VPS45: variants seen among roughly 807,000 people sequenced by gnomAD.
VPS45 encodes the protein vacuolar protein sorting 45 homolog.
VPS45 carries 35 observed loss-of-function variants against 75.9 expected under a neutral mutation model. That is an observed-to-expected ratio of 0.46 (90% CI 0.35 to 0.61). VPS45 has a LOEUF of 0.61. VPS45 is among the 20% of genes least tolerant of loss of function. The pLI is 0.00. For synonymous variants in VPS45, 220 were observed against 238.2 expected (o/e 0.92, Z 0.70); for missense variants, 559 against 685.9 (o/e 0.81, Z 2.07).
At chr1:150,082,039 T>C in intron 9 of VPS45, 42 bp downstream of exon 9, 1 of 1,297,394 alleles carries the variant, frequency 7.7e-7, no homozygotes, top group Non-Finnish European at 1.1e-6. Flanking sequence ...TGTGACAGTT[T>C]GGTACTATTC....
chr1:150,106,684 C>T (rs782765374), intron 13 of VPS45, among the ~76,000 whole-genome samples: 2 of 152,072 alleles, frequency 1.3e-5, no homozygotes, highest in African/African-American at 4.8e-5. Context: ...TCTTCTCTGC[C>T]GACTTCTTTT....
chr1:150,116,418 A>G (rs916156366), intron 14 of VPS45, among the ~76,000 whole-genome samples: 3 of 152,076 alleles, frequency 2.0e-5, no homozygotes, highest in African/African-American at 7.2e-5. Flanking sequence ...CTTTAAATCT[A>G]TTAATTCATT....
intron 1 of VPS45, chr1:150,068,199 C>T (rs1654833492): frequency 4.0e-6 from 2 of 493,926 alleles, no homozygotes; most frequent in Middle Eastern, 1.0e-3. Context: ...CTAAATGTCC[C>T]CGCCAAGAAA....
chr1:150,108,761 C>A (rs141255142), intron 13 of VPS45, among the ~76,000 whole-genome samples: 6 of 152,198 alleles, frequency 3.9e-5, no homozygotes, highest in Non-Finnish European at 8.8e-5. Flanking sequence ...GAACACACAA[C>A]CTAGATCCCT....
upstream of VPS45, chr1:150,067,743 C>T: frequency 2.9e-6 from 3 of 1,051,034 alleles, no homozygotes; most frequent in Non-Finnish European, 4.3e-6. Flanking sequence ...CCCGGACTCC[C>T]GGAAGCCGAA....
chr1:150,067,919 G>C lies in VPS45; in HGVS notation c.62G>C (p.Gly21Ala), dbSNP rs1553796186. ...AAAATGATAGAGGACAGCGGGCCTG[G>C]TATGAAAGTACTTCTCATGGATAAA... is the stretch of plus-strand genomic sequence containing the variant. ...ISKMIEDSGP[G>A]MKVLLMDKET... Residue 21 changes from glycine to alanine, a missense_variant, in exon 1 of 15, where the codon GGT (glycine) becomes GCT (alanine). Coordinates refer to ENST00000644510, the MANE Select transcript of VPS45 (RefSeq NM_007259.5). 1 of 1,614,098 alleles carries C rather than the reference G, an allele frequency of 6.2e-7. No homozygotes were observed. The highest frequency in any genetic ancestry group is 8.5e-7 in the Non-Finnish European group (1 of 1,180,042).
At chr1:150,116,525 A>G (rs1011811660) in intron 14 of VPS45, among the ~76,000 whole-genome samples, 1 of 152,208 alleles carries the variant, frequency 6.6e-6, no homozygotes, top group African/African-American at 2.4e-5. Flanking sequence ...CTAGTAAGAG[A>G]TGGAGCTAGT....
intron 14 of VPS45, among the ~76,000 whole-genome samples, chr1:150,116,089 A>G (rs1315197356): frequency 3.3e-5 from 5 of 152,342 alleles, no homozygotes; most frequent in South Asian, 4.1e-4. Context: ...TTCACCTTAT[A>G]TAATCTCCCT....
At chr1:150,129,716 A>C (rs116118634) in intron 14 of VPS45, among the ~76,000 whole-genome samples, 2 of 150,704 alleles carry the variant, frequency 1.3e-5, no homozygotes, top group African/African-American at 4.9e-5. Context: ...ACCACACCCA[A>C]ATAATTTTTG....
intron 13 of VPS45, chr1:150,110,060 G>A (rs587770930): frequency 6.5e-6 from 1 of 152,932 alleles, no homozygotes; most frequent in East Asian, 1.9e-4. Context: ...CTTGTACAGA[G>A]GCCATTGTAA....
At chr1:150,098,943 A>G (rs1656814786) in intron 13 of VPS45, 2 of 1,202,082 alleles carry the variant, frequency 1.7e-6, no homozygotes, top group Non-Finnish European at 2.1e-6. Flanking sequence ...AGTCAATTCA[A>G]AAAGGAAGTA....
At chr1:150,082,919 G>A (rs1553799817) in intron 10 of VPS45, 36 bp downstream of exon 10, 1 of 1,589,750 alleles carries the variant, frequency 6.3e-7, no homozygotes, top group Admixed American at 1.8e-5. Flanking sequence ...CTATGTGTAA[G>A]GCACTGTGCC....
At chr1:150,138,856 C>T (rs964467828) in intron 14 of VPS45, among the ~76,000 whole-genome samples, 20 of 152,084 alleles carry the variant, frequency 1.3e-4, no homozygotes, top group Admixed American at 2.6e-4. Flanking sequence ...ATCCTCCCTC[C>T]GACTTCCCAC....
Position 150,144,901 on chromosome 1 carries a change from T to C in VPS45, c.*105T>C. 6.4e-7 allele frequency: 1 copy of C among 1,569,090 alleles called. No individual in the cohort carries two copies. Among genetic ancestry groups the C allele is most frequent in the Non-Finnish European group, 8.6e-7 (1 of 1,160,420 alleles). ...GCAGCTTTGGGTTCTGTGCTGGTTG[T>C]TAGAACTCATCTCCAGGTAGCCCAC... is the stretch of plus-strand genomic sequence containing the variant. On this transcript the variant is annotated 3_prime_UTR_variant, in exon 15 of 15. Transcript: ENST00000644510.
intron 9 of VPS45, among the ~76,000 whole-genome samples, chr1:150,082,514 C>CAA (rs782675159): frequency 0.97 from 135,067 of 139,554 alleles, 65,466 homozygotes; most frequent in East Asian, 0.99. Flanking sequence ...AACTCTGTCT[C>CAA]AAAAAAAAAA....
rs149080324 is a variant in VPS45 at position 150,080,355 on chromosome 1, G to T, written c.688-987G>T. ...GATGGGGTTTCACCATGTTGGTCAG[G>T]CCGGTCTCGAACTCCCGACCTTAAG... On this transcript the variant is annotated intron_variant, in intron 7 of 14. Transcript: ENST00000644510. Among the ~76,000 whole-genome samples, 1,132 of 152,060 alleles carry T rather than the reference G, an allele frequency of 7.4e-3. 19 individuals carry two copies. The highest frequency in any genetic ancestry group is 0.026 in the African/African-American group (1,091 of 41,492).
At chr1:150,116,253 C>G (rs961072938) in intron 14 of VPS45, among the ~76,000 whole-genome samples, 3 of 152,054 alleles carry the variant, frequency 2.0e-5, no homozygotes, top group African/African-American at 7.2e-5. Context: ...GGTTTTGTAC[C>G]TAATTCAAGG....
In VPS45 at chr1:150,081,929, C is replaced by G. The variant is rs1553799477; in HGVS notation, c.868C>G (p.Leu290Val). Reference sequence around the variant, plus strand: ...TGAGATTGGTAGCAATATAAAGAATCTCATGGAAGATTTTCAGAAGAAGAA... The same window carrying G: ...TGAGATTGGTAGCAATATAAAGAATGTCATGGAAGATTTTCAGAAGAAGAA... ...FAEIGSNIKN[L>V]MEDFQKKKPK... is the part of the protein sequence containing the mutation. Residue 290 changes from leucine (L) to valine (V), a missense_variant, in exon 9 of 15, where the codon CTC becomes GTC. Leu to Val is a conservative substitution (Grantham distance 32, BLOSUM62 1). Coordinates refer to ENST00000644510, the MANE Select transcript of VPS45 (RefSeq NM_007259.5). 6.2e-7 allele frequency: 1 copy of G among 1,613,380 alleles called. No homozygotes were observed. The highest frequency in any genetic ancestry group is 1.1e-5 in the South Asian group (1 of 90,988).
Position 150,087,153 on chromosome 1 carries a change from A to G in VPS45, c.1104+4270A>G, listed in dbSNP as rs375992531. On this transcript the variant is annotated intron_variant, in intron 10 of 14. Coordinates refer to ENST00000644510, the MANE Select transcript of VPS45 (RefSeq NM_007259.5). ...AACAATGGAAGAATCTCTAAATATC[A>G]GAAAAGAAGAATGGTTTTCTCGTTG... Among the ~76,000 whole-genome samples, 18 of 152,370 alleles carry G rather than the reference A, an allele frequency of 1.2e-4. 2 individuals are homozygous for G. The highest frequency in any genetic ancestry group is 7.7e-4 in the East Asian group (4 of 5,192).
Sources: allele counts gnomAD v4.1 joint callset (sites outside exome capture counted in the v4.1 genomes callset), GRCh38; gene constraint gnomAD v4.1.1; transcripts MANE v1.5; gene names NCBI Gene and HGNC (gene_info 2026-07-23, HGNC 2026-07-21).